GAB1: variants seen among roughly 807,000 people sequenced by gnomAD.
The protein encoded by GAB1 is GRB2 associated binding protein 1.
In GAB1, 19 loss-of-function variants were observed where a neutral mutation model predicts 66.5. The ratio of observed to expected loss-of-function variants is 0.29; its 90% CI spans 0.20 to 0.42. GAB1 has a LOEUF of 0.42. Among genes scored for constraint, GAB1 ranks in the 10% least tolerant of loss-of-function variants. The pLI, the probability that GAB1 is intolerant of heterozygous loss-of-function variation, is 1.00. For missense variants in GAB1, 732 were observed against 858.5 expected (o/e 0.85, Z 1.84); for synonymous variants, 294 against 301.4 (o/e 0.98, Z 0.25).
At chr4:143,454,428 G>A (rs183779123) in intron 6 of GAB1, among the ~76,000 whole-genome samples, 55 of 152,290 alleles carry the variant, frequency 3.6e-4, no homozygotes, top group Non-Finnish European at 6.9e-4. Context: ...AGTGGTCTTT[G>A]TTATGTCTGA....
chr4:143,338,685 T>C (rs563494356), intron 1 of GAB1, among the ~76,000 whole-genome samples: 5 of 145,138 alleles, frequency 3.4e-5, no homozygotes, highest in Middle Eastern at 3.5e-3. Context: ...TGTTTTTTTT[T>C]CCAGCTGTTC....
At chr4:143,350,693 A>G (rs1024825615) in intron 1 of GAB1, among the ~76,000 whole-genome samples, 1 of 151,484 alleles carries the variant, frequency 6.6e-6, no homozygotes, top group Non-Finnish European at 1.5e-5. Context: ...AAAAAAAAAA[A>G]AAAAAGAAAG....
At chr4:143,400,970 A>C (rs544266193) in intron 1 of GAB1, among the ~76,000 whole-genome samples, 131 of 147,468 alleles carry the variant, frequency 8.9e-4, no homozygotes, top group African/African-American at 3.0e-3. Context: ...CTCCATCACA[A>C]AAAAAAAAAA....
intron 6 of GAB1, among the ~76,000 whole-genome samples, chr4:143,445,060 C>T (rs915153989): frequency 2.0e-5 from 3 of 152,068 alleles, no homozygotes; most frequent in Non-Finnish European, 4.4e-5. Context: ...CATGCGAGTT[C>T]GTGTGTCTTT....
intron 6 of GAB1, among the ~76,000 whole-genome samples, chr4:143,448,664 A>G (rs1734711234): frequency 6.6e-6 from 1 of 151,644 alleles, no homozygotes; most frequent in Non-Finnish European, 1.5e-5. Flanking sequence ...TATTGCATCT[A>G]TTTGATTCTT....
At chr4:143,364,868 C>CTTTTTTT (rs745401852) in intron 1 of GAB1, among the ~76,000 whole-genome samples, 1 of 86,770 alleles carries the variant, frequency 1.2e-5, no homozygotes, top group African/African-American at 5.5e-5. Context: ...CCTGCATCTA[C>CTTTTTTT]TTTTTTTTTT....
At chr4:143,401,947 C>A (rs1161409228) in intron 1 of GAB1, among the ~76,000 whole-genome samples, 6 of 152,074 alleles carry the variant, frequency 3.9e-5, no homozygotes, top group African/African-American at 1.4e-4. Context: ...AGAACACTTT[C>A]CTTGGATATT....
chr4:143,451,724 G>A lies in GAB1; in HGVS notation c.1586-7661G>A, dbSNP rs1206838839. Among the ~76,000 whole-genome samples, 6 of 152,196 alleles carry A rather than the reference G, an allele frequency of 3.9e-5. No individual in the cohort carries two copies. In the East Asian group the frequency reaches 9.7e-4, roughly 24 times the overall value. ...GTTCTTGAAGTCTTTGTTGAGACAG[G>A]ATCAAACAGGGAAGGCATAGCAAAA... On this transcript the variant is annotated intron_variant, in intron 6 of 9. Transcript: ENST00000262994.
chr4:143,347,262 AT>A (rs1305348756), intron 1 of GAB1, among the ~76,000 whole-genome samples: 4 of 152,230 alleles, frequency 2.6e-5, no homozygotes, highest in Non-Finnish European at 5.9e-5. Flanking sequence ...AAAATTGTAA[AT>A]TCTCTTGTCC....
At chr4:143,458,355 C>T (rs943272414) in intron 6 of GAB1, among the ~76,000 whole-genome samples, 5 of 151,926 alleles carry the variant, frequency 3.3e-5, no homozygotes, top group African/African-American at 1.2e-4. Flanking sequence ...ACTTATGAGC[C>T]TCAATGCGTA....
chr4:143,378,910 G>C (rs1381834624), intron 1 of GAB1, among the ~76,000 whole-genome samples: 1 of 152,138 alleles, frequency 6.6e-6, no homozygotes, highest in African/African-American at 2.4e-5. Flanking sequence ...AGACCAAACA[G>C]GGGCAGCCTC....
chr4:143,465,527 G>A (rs74685248), intron 8 of GAB1, among the ~76,000 whole-genome samples: 116 of 152,164 alleles, frequency 7.6e-4, no homozygotes, highest in African/African-American at 2.6e-3. Context: ...TTTTCTGCAT[G>A]TTTAGCAGCT....
intron 1 of GAB1, among the ~76,000 whole-genome samples, chr4:143,409,227 T>A (rs1560748885): frequency 6.6e-6 from 1 of 152,100 alleles, no homozygotes; most frequent in Non-Finnish European, 1.5e-5. Flanking sequence ...GGAAATAAGG[T>A]ATTTCAGACT....
intron 1 of GAB1, among the ~76,000 whole-genome samples, 154 bp from the exon 2 acceptor site, chr4:143,415,323 C>T (rs756801132): frequency 2.0e-5 from 3 of 152,148 alleles, no homozygotes; most frequent in African/African-American, 2.4e-5. Context: ...TTCAGAGTGG[C>T]AGATTATCCT....
intron 1 of GAB1, among the ~76,000 whole-genome samples, chr4:143,348,458 TCA>T (rs1729058725): frequency 6.6e-6 from 1 of 152,226 alleles, no homozygotes; most frequent in Non-Finnish European, 1.5e-5. Context: ...TCTCTCTCTC[TCA>T]TTCTCCACAC....
intron 1 of GAB1, among the ~76,000 whole-genome samples, chr4:143,408,979 A>G (rs1034216094): frequency 3.9e-5 from 6 of 152,208 alleles, no homozygotes; most frequent in African/African-American, 1.4e-4. Flanking sequence ...CTCTTCAGCT[A>G]TCTGGACAAG....
chr4:143,452,766 A>G (rs1167031602), intron 6 of GAB1, among the ~76,000 whole-genome samples: 2 of 152,192 alleles, frequency 1.3e-5, no homozygotes, highest in Non-Finnish European at 2.9e-5. Flanking sequence ...AGTGCTCTTC[A>G]CTAAATTATG....
intron 1 of GAB1, among the ~76,000 whole-genome samples, chr4:143,351,568 G>A (rs766925175): frequency 2.6e-5 from 4 of 152,198 alleles, no homozygotes; most frequent in Admixed American, 2.6e-4. Flanking sequence ...CCTTTCGGCG[G>A]CAAGGCTGGA....
chr4:143,419,798 C>T (rs1404654213), intron 2 of GAB1, among the ~76,000 whole-genome samples: 1 of 152,052 alleles, frequency 6.6e-6, no homozygotes, highest in Non-Finnish European at 1.5e-5. Flanking sequence ...TCTTAATATA[C>T]TGTGTTGAAG....
Sources: gnomAD v4.1 joint callset for allele counts (sites outside exome capture counted in the v4.1 genomes callset) on GRCh38, gnomAD v4.1.1 for gene constraint, MANE v1.5 for transcripts, NCBI Gene and HGNC (gene_info 2026-07-23, HGNC 2026-07-21) for gene names.